The following AGMO variants were observed in gnomAD, a reference collection of about 807,000 sequenced individuals.
AGMO encodes the protein glyceryl-ether monooxygenase.
AGMO carries 75 observed loss-of-function variants against 60.2 expected under a neutral mutation model. The ratio of observed to expected loss-of-function variants is 1.25; its 90% CI spans 1.03 to 1.51. The LOEUF (loss-of-function observed/expected upper bound fraction) is 1.51. Ranked by LOEUF, AGMO falls within the 40% of genes most tolerant of loss-of-function variation. The pLI, the probability that AGMO is intolerant of heterozygous loss-of-function variation, is 0.00. For synonymous variants in AGMO, 261 were observed against 177.1 expected, an observed-to-expected ratio of 1.47 and a Z score of -3.76; for missense variants, 763 against 525.5, an observed-to-expected ratio of 1.45 and a Z score of -4.42.
chr7:15,421,945 C>T (rs1780938579), intron 4 of AGMO, among the ~76,000 whole-genome samples: 1 of 151,844 alleles, frequency 6.6e-6, no homozygotes, highest in Non-Finnish European at 1.5e-5. Flanking sequence ...AGGACAGTCT[C>T]AGAGGTGGGA....
At chr7:15,278,232 T>C (rs1480503868) in intron 12 of AGMO, among the ~76,000 whole-genome samples, 1 of 152,126 alleles carries the variant, frequency 6.6e-6, no homozygotes, top group African/African-American at 2.4e-5. Context: ...TGCTGCTTCA[T>C]GTACAGAAGG....
intron 10 of AGMO, among the ~76,000 whole-genome samples, chr7:15,381,067 A>G (rs993264828): frequency 9.2e-5 from 14 of 152,164 alleles, no homozygotes; most frequent in African/African-American, 3.4e-4. Flanking sequence ...ACCTAAAACT[A>G]TAAAAACCCT....
In AGMO at chr7:15,517,883, T is replaced by A. The variant is rs148548160; in HGVS notation, c.409+26889A>T. Among the ~76,000 whole-genome samples the A allele has an allele frequency of 2.5e-3, 380 of 152,120 alleles. 1 individual carries two copies. Among genetic ancestry groups the A allele is most frequent in the African/African-American group, 8.4e-3 (348 of 41,508 alleles). ...GAGCCAAGTGGTCTTGCTCAGAGGA[T>A]CCCACCCCCATGGAGCCCAGCAAGC... is the stretch of plus-strand genomic sequence containing the variant. On this transcript the variant is annotated intron_variant, in intron 3 of 12. Coordinates refer to ENST00000342526, the MANE Select transcript of AGMO (RefSeq NM_001004320.2).
intron 12 of AGMO, among the ~76,000 whole-genome samples, chr7:15,288,835 T>A (rs1379562469): frequency 6.7e-6 from 1 of 149,218 alleles, no homozygotes; most frequent in Non-Finnish European, 1.5e-5. Context: ...ACAGAGGGCT[T>A]TAAAAAAATA....
intron 12 of AGMO, among the ~76,000 whole-genome samples, chr7:15,344,361 G>A (rs1781960302): frequency 6.6e-6 from 1 of 152,128 alleles, no homozygotes; most frequent in African/African-American, 2.4e-5. Context: ...TTTCAATGTA[G>A]ATCTGATCTT....
intron 12 of AGMO, among the ~76,000 whole-genome samples, chr7:15,304,959 C>A (rs1780568818): frequency 6.6e-6 from 1 of 151,958 alleles, no homozygotes; most frequent in Non-Finnish European, 1.5e-5. Flanking sequence ...CTTCCCCCTT[C>A]CCCCAGGGTT....
intron 12 of AGMO, among the ~76,000 whole-genome samples, chr7:15,329,503 G>A (rs1213314200): frequency 6.6e-6 from 1 of 152,154 alleles, no homozygotes; most frequent in Non-Finnish European, 1.5e-5. Flanking sequence ...CGTCCTTAGT[G>A]GGAAAACATT....
intron 12 of AGMO, among the ~76,000 whole-genome samples, chr7:15,323,894 G>A (rs577009732): frequency 7.9e-5 from 12 of 152,296 alleles, no homozygotes; most frequent in African/African-American, 2.4e-4. Context: ...CTGCAAGCAA[G>A]GGTTTGAAAC....
the AGMO span, among the ~76,000 whole-genome samples, chr7:15,155,419 CTTTTTTTTTTTTT>C: frequency 8.3e-4 from 53 of 63,930 alleles, no homozygotes; most frequent in East Asian, 0.018. Flanking sequence ...TACAGAATTT[CTTTTTTTTTTTTT>C]TTTTTTTTTT....
At chr7:15,125,982 T>C in the AGMO span, among the ~76,000 whole-genome samples, 1 of 152,122 alleles carries the variant, frequency 6.6e-6, no homozygotes, top group South Asian at 2.1e-4. Flanking sequence ...TAATAGTATA[T>C]TAATTAGTAA....
the AGMO span, among the ~76,000 whole-genome samples, chr7:15,189,749 C>T: frequency 0.87 from 131,398 of 151,340 alleles, 57,258 homozygotes; most frequent in East Asian, 1. Flanking sequence ...CTCATGTCTT[C>T]GAGCGCTGAG....
chr7:15,527,111 AC>A (rs768204668), intron 3 of AGMO, among the ~76,000 whole-genome samples: 3 of 152,158 alleles, frequency 2.0e-5, no homozygotes, highest in Non-Finnish European at 4.4e-5. Flanking sequence ...TGTTCAAGTA[AC>A]AAAAAAAAGT....
intron 12 of AGMO, among the ~76,000 whole-genome samples, chr7:15,265,958 C>A (rs2128511323): frequency 6.6e-6 from 1 of 152,148 alleles, no homozygotes; most frequent in Non-Finnish European, 1.5e-5. Context: ...TTTAAAAAGG[C>A]AATACATTCT....
At chr7:15,479,566 T>C (rs1441976686) in intron 3 of AGMO, among the ~76,000 whole-genome samples, 1 of 152,172 alleles carries the variant, frequency 6.6e-6, no homozygotes, top group African/African-American at 2.4e-5. Flanking sequence ...GGGATCATCA[T>C]GGTTTTTTTT....
intron 12 of AGMO, among the ~76,000 whole-genome samples, chr7:15,345,620 C>CTA (rs1420895159): frequency 1.3e-5 from 2 of 152,192 alleles, no homozygotes; most frequent in African/African-American, 4.8e-5. Flanking sequence ...TTCCCAATAT[C>CTA]TATCTTGGTA....
At chr7:15,168,589 C>G in the AGMO span, among the ~76,000 whole-genome samples, 1 of 152,336 alleles carries the variant, frequency 6.6e-6, no homozygotes, top group Non-Finnish European at 1.5e-5. Flanking sequence ...CTTCTTTTGG[C>G]TCTGCATTGG....
chr7:15,160,987 G>C, the AGMO span, among the ~76,000 whole-genome samples: 1 of 152,160 alleles, frequency 6.6e-6, no homozygotes, highest in Non-Finnish European at 1.5e-5. Context: ...AAGGGCAAAA[G>C]AGTGAAAGAG....
intron 3 of AGMO, among the ~76,000 whole-genome samples, chr7:15,518,713 G>A (rs777933966): frequency 6.6e-6 from 1 of 152,010 alleles, no homozygotes; most frequent in African/African-American, 2.4e-5. Flanking sequence ...ATAAAGATGA[G>A]GAAAAAACAG....
chr7:15,454,243 T>C (rs1445962206), intron 3 of AGMO, among the ~76,000 whole-genome samples: 1 of 151,880 alleles, frequency 6.6e-6, no homozygotes, highest in East Asian at 1.9e-4. Flanking sequence ...CATACAAGTG[T>C]GGGGACTATA....
Sources: allele counts gnomAD v4.1 joint callset (sites outside exome capture counted in the v4.1 genomes callset), GRCh38; gene constraint gnomAD v4.1.1; transcripts MANE v1.5; gene names NCBI Gene and HGNC (gene_info 2026-07-23, HGNC 2026-07-21).